LMBRD1: variants seen among roughly 807,000 people sequenced by gnomAD.
LMBRD1 encodes the protein LMBR1 domain containing 1.
Under a neutral mutation model 74.8 loss-of-function variants are expected in LMBRD1, and 64 were observed. That is an observed-to-expected ratio of 0.86 (90% CI 0.70 to 1.05). LMBRD1 has a LOEUF of 1.05. LMBRD1 is among the 50% of genes least tolerant of loss of function. The probability of loss-of-function intolerance (pLI) is 0.00; values close to 1 mark genes in which losing one functional copy is unlikely to be tolerated. For missense variants in LMBRD1, 652 were observed against 645.9 expected (o/e 1.01, Z -0.10); for synonymous variants, 204 against 216.3 (o/e 0.94, Z 0.50).
intron 9 of LMBRD1, among the ~76,000 whole-genome samples, chr6:69,712,306 A>T (rs1359080334): frequency 6.6e-6 from 1 of 152,208 alleles, no homozygotes; most frequent in East Asian, 1.9e-4. Context: ...CATAGTCCCA[A>T]GAATTCAAGG....
intron 3 of LMBRD1, among the ~76,000 whole-genome samples, chr6:69,768,151 T>G (rs1438984980): frequency 2.0e-5 from 3 of 151,932 alleles, no homozygotes; most frequent in Admixed American, 2.0e-4. Flanking sequence ...TCTCATTTGA[T>G]TGGGGGTATT....
rs1765512403 is a variant in LMBRD1, at chr6:69,674,721, T to C, written c.*1437A>G. 6.6e-6 allele frequency among the ~76,000 whole-genome samples: 1 copy of C among 152,162 alleles called. No homozygotes were observed. The highest frequency in any genetic ancestry group is 1.5e-5 in the Non-Finnish European group (1 of 68,022). On this transcript the variant is annotated 3_prime_UTR_variant, in exon 16 of 16. Coordinates refer to ENST00000649934, the MANE Select transcript of LMBRD1 (RefSeq NM_018368.4). ...CGAGCGTGGTGGCTTATGCCTGTAA[T>C]CCCAGCACTTTGGGAGGCCACTGTG... is the stretch of plus-strand genomic sequence containing the variant.
chr6:69,711,021 A>AC (rs1208184522), intron 9 of LMBRD1, among the ~76,000 whole-genome samples: 1 of 152,228 alleles, frequency 6.6e-6, no homozygotes, highest in Non-Finnish European at 1.5e-5. Context: ...TATTAGCATT[A>AC]TTCATTATAG....
intron 3 of LMBRD1, among the ~76,000 whole-genome samples, chr6:69,756,623 T>C (rs1313945001): frequency 2.0e-5 from 3 of 152,156 alleles, no homozygotes; most frequent in Non-Finnish European, 4.4e-5. Flanking sequence ...GACCCAACAA[T>C]TTTCTTCCTC....
rs79367859 is a variant in LMBRD1, at chr6:69,725,216, C to T, written c.637-6135G>A. 8.0e-3 allele frequency among the ~76,000 whole-genome samples: 1,215 copies of T among 151,528 alleles called. 12 individuals are homozygous for T. The highest frequency in any genetic ancestry group is 0.045 in the East Asian group (232 of 5,168). On this transcript the variant is annotated intron_variant, in intron 7 of 15. Transcript: ENST00000649934. ...AAATACTGATGAATGAGGAAGACAC[C>T]AAAAAAATGAAGAAATATTCCATGT... is the stretch of plus-strand genomic sequence containing the variant.
At chr6:69,774,782 C>G (rs565975309) in intron 3 of LMBRD1, among the ~76,000 whole-genome samples, 2 of 151,808 alleles carry the variant, frequency 1.3e-5, no homozygotes, top group Non-Finnish European at 2.9e-5. Flanking sequence ...AAAACTCACA[C>G]GAGGGCAGTT....
In LMBRD1 at chr6:69,674,788, G is replaced by A. The variant is rs1340427843; in HGVS notation, c.*1370C>T. 6.6e-6 allele frequency among the ~76,000 whole-genome samples: 1 copy of A among 151,884 alleles called. No homozygotes were observed. The highest frequency in any genetic ancestry group is 1.9e-4 in the East Asian group (1 of 5,164). On this transcript the variant is annotated 3_prime_UTR_variant, in exon 16 of 16. Coordinates refer to ENST00000649934, the MANE Select transcript of LMBRD1 (RefSeq NM_018368.4). ...AGGAGTTCAAGACCAGCCTGGCCAA[G>A]ATGGTGAAACCCCATCTCTGCTAAA...
intron 7 of LMBRD1, among the ~76,000 whole-genome samples, chr6:69,725,190 A>G (rs1282405695): frequency 6.6e-6 from 1 of 152,146 alleles, no homozygotes; most frequent in African/African-American, 2.4e-5. Flanking sequence ...TGAAAACTAT[A>G]AAATACTGAT....
intron 14 of LMBRD1, among the ~76,000 whole-genome samples, chr6:69,680,888 C>G (rs998801708): frequency 1.3e-5 from 2 of 152,030 alleles, no homozygotes; most frequent in African/African-American, 4.8e-5. Context: ...AGCTGCTCAC[C>G]TGAATCACAG....
intron 14 of LMBRD1, among the ~76,000 whole-genome samples, chr6:69,681,650 A>C (rs1765665226): frequency 6.6e-6 from 1 of 151,860 alleles, no homozygotes; most frequent in South Asian, 2.1e-4. Context: ...ATTTGAGAAC[A>C]CTCATGTAAC....
intron 3 of LMBRD1, among the ~76,000 whole-genome samples, chr6:69,765,819 G>T (rs1765464526): frequency 6.6e-6 from 1 of 152,032 alleles, no homozygotes; most frequent in African/African-American, 2.4e-5. Context: ...AGTTTTCAGT[G>T]TAGAAATCTT....
chr6:69,734,610 G>A (rs1167994094), intron 7 of LMBRD1, among the ~76,000 whole-genome samples: 2 of 152,088 alleles, frequency 1.3e-5, no homozygotes, highest in Admixed American at 6.6e-5. Flanking sequence ...TAGCCAGGCT[G>A]GTCTCAAACT....
intron 2 of LMBRD1, among the ~76,000 whole-genome samples, chr6:69,782,783 T>C (rs564336949): frequency 2.6e-5 from 4 of 152,286 alleles, no homozygotes; most frequent in South Asian, 4.1e-4. Context: ...TTGCCTAATG[T>C]AGTTACAAAA....
chr6:69,677,468 G>A (rs1041048065), intron 14 of LMBRD1, among the ~76,000 whole-genome samples: 7 of 152,112 alleles, frequency 4.6e-5, no homozygotes, highest in Admixed American at 4.6e-4. Context: ...ATGGTTGGGG[G>A]AAGAGAAGTT....
rs1460517298 is a variant in LMBRD1 at position 69,780,538 on chromosome 6, T to A, written c.263A>T (p.Asn88Ile). 6.2e-7 allele frequency: 1 copy of A among 1,607,368 alleles called. No individual in the cohort carries two copies. The highest frequency in any genetic ancestry group is 8.5e-7 in the Non-Finnish European group (1 of 1,174,094). ...AGTGTCCTCAATCTGTCTGCTGACATTAGCATTAGCCCAGTCCTAGGATAA... is the reference window on the plus strand; with the variant it reads ...AGTGTCCTCAATCTGTCTGCTGACAATAGCATTAGCCCAGTCCTAGGATAA... ...NGTFKDWANANVSRQIEDTVL... is the reference protein window; with the variant it reads ...NGTFKDWANAIVSRQIEDTVL... Residue 88 changes from asparagine to isoleucine, a missense_variant, in exon 3 of 16, where the codon AAT becomes ATT. Physicochemically the swap from Asn to Ile is moderately radical, Grantham distance 149. Transcript: ENST00000649934.
intron 7 of LMBRD1, among the ~76,000 whole-genome samples, chr6:69,725,791 A>C (rs1766718891): frequency 6.6e-6 from 1 of 152,238 alleles, no homozygotes; most frequent in South Asian, 2.1e-4. Flanking sequence ...GACTTCAAGA[A>C]AACATTGGAG....
rs563315858 is a variant in LMBRD1 at position 69,766,446 on chromosome 6, T to C, written c.307+14048A>G. ...TGTCCTATGTATGCTAACATGTATG[T>C]TAAGTAAAGTAATTTCTGGATATTA... On this transcript the variant is annotated intron_variant, in intron 3 of 15. Coordinates refer to ENST00000649934, the MANE Select transcript of LMBRD1 (RefSeq NM_018368.4). Among the ~76,000 whole-genome samples, 3 of 152,086 alleles carry C rather than the reference T, an allele frequency of 2.0e-5. No individual in the cohort carries two copies. In the South Asian group the frequency reaches 6.2e-4, roughly 31 times the overall value.
intron 7 of LMBRD1, among the ~76,000 whole-genome samples, chr6:69,720,365 T>C (rs1022044560): frequency 6.6e-6 from 1 of 152,184 alleles, no homozygotes; most frequent in African/African-American, 2.4e-5. Context: ...ACTTTAAATA[T>C]TATTAAAACA....
chr6:69,709,890 G>T (rs545577628), intron 9 of LMBRD1, among the ~76,000 whole-genome samples: 159 of 152,082 alleles, frequency 1.0e-3, no homozygotes, highest in Non-Finnish European at 1.3e-3. Context: ...AGAAATTTAA[G>T]ATGTAAATAA....
Sources: allele counts gnomAD v4.1 joint callset (sites outside exome capture counted in the v4.1 genomes callset), GRCh38; gene constraint gnomAD v4.1.1; transcripts MANE v1.5; gene names NCBI Gene and HGNC (gene_info 2026-07-23, HGNC 2026-07-21).